The following ALDH1L2 variants were observed in gnomAD, a reference collection of about 807,000 sequenced individuals.
The protein encoded by ALDH1L2 is aldehyde dehydrogenase 1 family member L2.
In ALDH1L2, 91 loss-of-function variants were observed where a neutral mutation model predicts 111.0. That is an observed-to-expected ratio of 0.82 (90% confidence interval 0.69 to 0.98). The LOEUF (loss-of-function observed/expected upper bound fraction) is 0.98, where lower values mean the gene tolerates loss of function less well. ALDH1L2 is among the 50% of genes least tolerant of loss of function. The probability of loss-of-function intolerance (pLI) is 0.00; values close to 1 mark genes in which losing one functional copy is unlikely to be tolerated. For missense variants in ALDH1L2, 995 were observed against 1,126.8 expected (o/e 0.88, Z 1.67); for synonymous variants, 374 against 392.6 (o/e 0.95, Z 0.56).
intron 10 of ALDH1L2, among the ~76,000 whole-genome samples, chr12:105,056,125 A>C (rs1876615440): frequency 6.6e-6 from 1 of 152,176 alleles, no homozygotes. Context: ...ACATCATAAC[A>C]AATTATCAAA....
At chr12:105,031,227 C>A (rs1874680213) in intron 20 of ALDH1L2, among the ~76,000 whole-genome samples, 1 of 152,146 alleles carries the variant, frequency 6.6e-6, no homozygotes, top group Admixed American at 6.5e-5. Context: ...TAATATGCAA[C>A]CTTCACCACC....
chr12:105,038,902 C>G (rs1875351132), intron 17 of ALDH1L2, among the ~76,000 whole-genome samples: 1 of 152,170 alleles, frequency 6.6e-6, no homozygotes, highest in Non-Finnish European at 1.5e-5. Flanking sequence ...AATTAAACCT[C>G]TAACCAGACT....
chr12:105,071,623 TATATATATATATATATATA>T (rs1204131054), intron 2 of ALDH1L2, among the ~76,000 whole-genome samples: 1 of 16,232 alleles, frequency 6.2e-5, no homozygotes, highest in African/African-American at 3.0e-4. Context: ...AGTATATATA[TATATATATATATATATATA>T]TTTTTTTTTT....
rs149516594 is a variant in ALDH1L2 at position 105,035,345 on chromosome 12, A to C, written c.2146-947T>G. Among the ~76,000 whole-genome samples the C allele has an allele frequency of 1.3e-4, 20 of 152,246 alleles. No individual in the cohort carries two copies. The East Asian group carries it at 3.9e-3, about 29-fold the overall frequency. On this transcript the variant is annotated intron_variant, in intron 18 of 22. Transcript: ENST00000258494. ...ATTTGTATTTATTTATTTATTTAAG[A>C]CAGTGTTTCTCTCTGTCGCCCAGGC...
intron 15 of ALDH1L2, among the ~76,000 whole-genome samples, chr12:105,046,219 ATATTTTTTTTTTTTTT>A (rs1875894903): frequency 7.3e-5 from 2 of 27,402 alleles, no homozygotes; most frequent in Admixed American, 5.3e-4. Context: ...ATATATATAT[ATATTTTTTTTTTTTTT>A]TTTTTTTTTT....
In ALDH1L2 at chr12:105,021,357, G is replaced by A. The variant is rs1013516024; in HGVS notation, c.*3067C>T. On this transcript the variant is annotated 3_prime_UTR_variant, in exon 23 of 23. Transcript: ENST00000258494. ...TCATGCCTGTAATCCCAGCACTTTG[G>A]GAGGCGGAGGCAGGTGGATCACTTG... is the stretch of plus-strand genomic sequence containing the variant. 1.1e-4 allele frequency: 17 copies of A among 152,400 alleles called. No homozygotes were observed. Among genetic ancestry groups the A allele is most frequent in the Non-Finnish European group, 2.2e-4 (15 of 68,232 alleles). 9.4% of individuals were successfully genotyped at this position (152,400 alleles called of 1,614,324 possible).
intron 18 of ALDH1L2, among the ~76,000 whole-genome samples, chr12:105,037,494 T>C (rs1875228054): frequency 6.6e-6 from 1 of 152,164 alleles, no homozygotes; most frequent in South Asian, 2.1e-4. Context: ...TGGGATGAGA[T>C]GTTGTAGGGA....
intron 15 of ALDH1L2, among the ~76,000 whole-genome samples, chr12:105,044,764 A>G (rs1258430523): frequency 6.6e-6 from 1 of 151,980 alleles, no homozygotes; most frequent in Non-Finnish European, 1.5e-5. Context: ...AAGGTTTATA[A>G]GGTTATTAAC....
Position 105,058,038 on chromosome 12 carries a change from C to T in ALDH1L2, c.1287+35G>A, listed in dbSNP as rs778241116. On this transcript the variant is annotated intron_variant, in intron 10 of 22. Coordinates refer to ENST00000258494, the MANE Select transcript of ALDH1L2 (RefSeq NM_001034173.4). ...AGTCTTTTATAGTGTATGGATCTCA[C>T]TGATTTAGGGTTGCAACATCAAGGA... 9 of 1,594,940 alleles carry T rather than the reference C, an allele frequency of 5.6e-6. No individual in the cohort carries two copies. In the African/African-American group the frequency reaches 1.1e-4, roughly 19 times the overall value.
intron 21 of ALDH1L2, among the ~76,000 whole-genome samples, chr12:105,028,366 G>A (rs894770170): frequency 1.3e-4 from 20 of 152,148 alleles, no homozygotes; most frequent in Admixed American, 5.9e-4. Context: ...GCCTGCCTTG[G>A]CCTTCCAAAG....
intron 15 of ALDH1L2, among the ~76,000 whole-genome samples, chr12:105,044,968 T>C (rs1875754334): frequency 6.6e-6 from 1 of 152,216 alleles, no homozygotes; most frequent in African/African-American, 2.4e-5. Flanking sequence ...ACATTTAACG[T>C]GAGCTCTACT....
intron 1 of ALDH1L2, 78 bp downstream of exon 1, chr12:105,084,311 C>A: frequency 6.9e-7 from 1 of 1,450,062 alleles, no homozygotes; most frequent in Non-Finnish European, 9.1e-7. Context: ...CCCAGCCCCA[C>A]CGCCCCGGCC....
chr12:105,043,179 GGGT>G (rs144708429), intron 15 of ALDH1L2, among the ~76,000 whole-genome samples: 14,536 of 152,154 alleles, frequency 0.096, 1,108 homozygotes, highest in African/African-American at 0.21. Flanking sequence ...AAGACCAAGA[GGGT>G]GGCAGTGGTT....
chr12:105,067,270 G>A (rs1404537895), intron 4 of ALDH1L2, among the ~76,000 whole-genome samples: 1 of 151,536 alleles, frequency 6.6e-6, no homozygotes, highest in African/African-American at 2.4e-5. Flanking sequence ...GCAATTGGCT[G>A]AAGATCACAG....
intron 10 of ALDH1L2, among the ~76,000 whole-genome samples, chr12:105,054,360 A>G (rs756014142): frequency 1.3e-5 from 2 of 152,212 alleles, no homozygotes; most frequent in Non-Finnish European, 2.9e-5. Context: ...ACTAGAAAAT[A>G]TTGTTAAAAA....
intron 1 of ALDH1L2, among the ~76,000 whole-genome samples, chr12:105,075,800 T>A (rs963276515): frequency 3.9e-5 from 6 of 152,196 alleles, no homozygotes; most frequent in Admixed American, 3.9e-4. Flanking sequence ...TTATTTATTT[T>A]GAGACAGGGT....
At position 105,052,074 on chromosome 12, in the gene ALDH1L2, T is replaced by C; in HGVS notation, c.1535+16A>G. ...GTTACTTTTCTAAAAAATAAAAAAA[T>C]AAAAAATAGAAATACCTATACATCA... is the stretch of plus-strand genomic sequence containing the variant. On this transcript the variant is annotated intron_variant, in intron 12 of 22. Coordinates refer to ENST00000258494, the MANE Select transcript of ALDH1L2 (RefSeq NM_001034173.4). The C allele has an allele frequency of 6.4e-7, 1 of 1,568,042 alleles. No individual in the cohort carries two copies. Among genetic ancestry groups the C allele is most frequent in the Non-Finnish European group, 8.6e-7 (1 of 1,162,372 alleles).
chr12:105,065,464 A>G, intron 5 of ALDH1L2, 108 bp from the exon 6 acceptor site: 1 of 886,656 alleles, frequency 1.1e-6, no homozygotes, highest in East Asian at 2.7e-5. Flanking sequence ...TGGGAAATAA[A>G]GGAATTTTTG....
intron 21 of ALDH1L2, among the ~76,000 whole-genome samples, chr12:105,028,409 G>A (rs1016810503): frequency 6.6e-6 from 1 of 152,164 alleles, no homozygotes; most frequent in African/African-American, 2.4e-5. Flanking sequence ...CATTGCGCCT[G>A]GCCAAGCCAG....
Sources: gnomAD v4.1 joint callset for allele counts (sites outside exome capture counted in the v4.1 genomes callset) on GRCh38, gnomAD v4.1.1 for gene constraint, MANE v1.5 for transcripts, NCBI Gene and HGNC (gene_info 2026-07-23, HGNC 2026-07-21) for gene names.